CEP126: variants seen among roughly 807,000 people sequenced by gnomAD.
CEP126 encodes the protein centrosomal protein of 126 kDa.
Under a neutral mutation model 107.8 loss-of-function variants are expected in CEP126, and 74 were observed. The observed-to-expected ratio is 0.69, with a 90% CI of 0.57 to 0.83. The LOEUF is 0.83. Among genes scored for constraint, CEP126 ranks in the 40% least tolerant of loss-of-function variants. The pLI, the probability that CEP126 is intolerant of heterozygous loss-of-function variation, is 0.00. For synonymous variants in CEP126, 449 were observed against 446.0 expected (o/e 1.01, Z -0.08); for missense variants, 1,237 against 1,281.9 (o/e 0.96, Z 0.53).
intron 2 of CEP126, among the ~76,000 whole-genome samples, chr11:101,938,924 G>A (rs12281520): frequency 6.6e-6 from 1 of 151,434 alleles, no homozygotes; most frequent in South Asian, 2.1e-4. Context: ...AATGTGTTTT[G>A]GTCAAAAACA....
rs949559840 is a variant in CEP126 at position 101,944,169 on chromosome 11, A to G, written c.249-96A>G. The G allele has an allele frequency of 4.4e-6, 5 of 1,133,750 alleles. No homozygotes were observed. In the African/African-American group the frequency reaches 8.2e-5, roughly 19 times the overall value. 70.2% of individuals were successfully genotyped at this position (1,133,750 alleles called of 1,614,324 possible). On this transcript the variant is annotated intron_variant, in intron 2 of 10. Coordinates refer to ENST00000263468, the MANE Select transcript of CEP126 (RefSeq NM_020802.4). ...TGTTGTTTTTAAATAAAATTTTGAA[A>G]TATGAAAACATTGTTATATAATAAA...
rs1941057070 is a variant in CEP126, at chr11:101,966,352, G to A, written c.2845+2472G>A. 4.6e-5 allele frequency among the ~76,000 whole-genome samples: 7 copies of A among 152,184 alleles called. No individual in the cohort carries two copies. In the South Asian group the frequency reaches 1.5e-3, roughly 32 times the overall value. On this transcript the variant is annotated intron_variant, in intron 6 of 10. Coordinates refer to ENST00000263468, the MANE Select transcript of CEP126 (RefSeq NM_020802.4). Reference sequence around the variant, plus strand: ...GGATTACAGTTCAGTGAGCATTTGTGGGATTTTTTTTCCTACTCTCTTATT... The same window carrying A: ...GGATTACAGTTCAGTGAGCATTTGTAGGATTTTTTTTCCTACTCTCTTATT...
chr11:101,983,018 G>T (rs756627235), intron 8 of CEP126, among the ~76,000 whole-genome samples: 1 of 152,118 alleles, frequency 6.6e-6, no homozygotes, highest in Admixed American at 6.6e-5. Flanking sequence ...TGCTCACAAG[G>T]AGTAATAAAA....
intron 10 of CEP126, among the ~76,000 whole-genome samples, chr11:101,994,285 T>C (rs1170985913): frequency 2.0e-5 from 3 of 152,232 alleles, no homozygotes; most frequent in African/African-American, 7.2e-5. Context: ...GTCAGATGCA[T>C]AGTTTGCAAA....
At chr11:101,919,787 CAT>C (rs1331023211) in intron 1 of CEP126, among the ~76,000 whole-genome samples, 2 of 152,142 alleles carry the variant, frequency 1.3e-5, no homozygotes, top group African/African-American at 4.8e-5. Flanking sequence ...AGACTTCAAA[CAT>C]GTCAAACAGA....
chr11:101,977,428 C>T (rs1941203453), intron 6 of CEP126, among the ~76,000 whole-genome samples: 1 of 151,736 alleles, frequency 6.6e-6, no homozygotes, highest in African/African-American at 2.4e-5. Flanking sequence ...GTCAAGAGAT[C>T]GAAACCATCC....
At chr11:101,959,987 C>T (rs1940950583) in intron 5 of CEP126, among the ~76,000 whole-genome samples, 1 of 151,876 alleles carries the variant, frequency 6.6e-6, no homozygotes, top group Non-Finnish European at 1.5e-5. Flanking sequence ...TTAAAGAAAC[C>T]ATCGCTGGAA....
chr11:101,941,009 G>A (rs1347151627), intron 2 of CEP126, among the ~76,000 whole-genome samples: 4 of 152,076 alleles, frequency 2.6e-5, no homozygotes, highest in African/African-American at 4.8e-5. Flanking sequence ...TGCTTGACAC[G>A]TGATTTTATC....
At chr11:101,942,313 T>C (rs980943045) in intron 2 of CEP126, among the ~76,000 whole-genome samples, 1 of 152,070 alleles carries the variant, frequency 6.6e-6, no homozygotes. Context: ...TGCTGTAAGG[T>C]AAGAGTCCAA....
At chr11:101,928,436 C>T (rs534652127) in intron 2 of CEP126, among the ~76,000 whole-genome samples, 2 of 152,204 alleles carry the variant, frequency 1.3e-5, no homozygotes, top group Admixed American at 6.5e-5. Context: ...GAACTCTTTG[C>T]GTAGCCCTAG....
intron 3 of CEP126, among the ~76,000 whole-genome samples, chr11:101,946,940 A>C (rs1565355788): frequency 6.6e-6 from 1 of 152,150 alleles, no homozygotes; most frequent in East Asian, 1.9e-4. Flanking sequence ...ACATTCAATA[A>C]ATAATTTTTA....
chr11:101,995,268 T>G (rs1941429859), intron 10 of CEP126, among the ~76,000 whole-genome samples: 2 of 152,204 alleles, frequency 1.3e-5, no homozygotes. Context: ...TCTAATGTAG[T>G]AGGTCTGGGA....
At chr11:101,951,725 AG>A (rs1386244484) in intron 4 of CEP126, among the ~76,000 whole-genome samples, 1 of 152,242 alleles carries the variant, frequency 6.6e-6, no homozygotes, top group Non-Finnish European at 1.5e-5. Flanking sequence ...TTGCTGATTA[AG>A]GGAATGTGAT....
At chr11:101,970,847 T>C (rs563826129) in intron 6 of CEP126, among the ~76,000 whole-genome samples, 1 of 152,306 alleles carries the variant, frequency 6.6e-6, no homozygotes, top group East Asian at 1.9e-4. Flanking sequence ...TTACGCCCAT[T>C]TTATAGATGA....
intron 6 of CEP126, among the ~76,000 whole-genome samples, chr11:101,971,709 T>C (rs932314597): frequency 6.6e-6 from 1 of 152,108 alleles, no homozygotes; most frequent in Non-Finnish European, 1.5e-5. Context: ...AAGTTTTAAT[T>C]GTGAAATATA....
intron 5 of CEP126, among the ~76,000 whole-genome samples, chr11:101,958,965 A>C (rs1006424598): frequency 1.3e-5 from 2 of 152,184 alleles, no homozygotes; most frequent in African/African-American, 2.4e-5. Context: ...AAAATAAATA[A>C]AACAACTGCT....
chr11:101,954,926 T>C (rs955058414), intron 4 of CEP126, among the ~76,000 whole-genome samples: 2 of 152,160 alleles, frequency 1.3e-5, no homozygotes, highest in African/African-American at 4.8e-5. Flanking sequence ...ACATTAAAAA[T>C]ACATTTTCAG....
Position 101,962,204 on chromosome 11 carries a change from G to C in CEP126, c.1169G>C (p.Ser390Thr), listed in dbSNP as rs777516747. ...AAATGTGAAAAGACCTCTGAAACTA[G>C]CACTATGAGGACAACTGACTCCACT... ...DKKCEKTSET[S>T]TMRTTDSTSG... Residue 390 changes from serine (S) to threonine (T), a missense_variant, in exon 6 of 11, where the codon AGC (serine) becomes ACC (threonine). Around this residue, in one of 3 missense-constraint regions of CEP126, gnomAD observed 1,134 missense variants for 1,150.5 expected, o/e 0.99. Transcript: ENST00000263468. 3.1e-6 allele frequency: 5 copies of C among 1,613,860 alleles called. No individual in the cohort carries two copies. The Admixed American group carries it at 8.3e-5, about 27-fold the overall frequency.
In CEP126 at chr11:101,962,347, G is replaced by A; in HGVS notation, c.1312G>A (p.Glu438Lys). The change falls in exon 6 of 11, where the codon GAG becomes AAG. Residue 438 changes from glutamate to lysine, a missense_variant. Physicochemically the swap from Glu to Lys is moderately conservative, Grantham distance 56. Coordinates refer to ENST00000263468, the MANE Select transcript of CEP126 (RefSeq NM_020802.4). ...TQEVATFPDQ[E>K]KYSELNQENG... ...GGAAGTGGCTACATTTCCAGACCAA[G>A]AGAAATATTCTGAATTAAATCAAGA... 6.2e-7 allele frequency: 1 copy of A among 1,613,660 alleles called. No individual in the cohort carries two copies. Among genetic ancestry groups the A allele is most frequent in the Non-Finnish European group, 8.5e-7 (1 of 1,179,840 alleles).
Sources: gnomAD v4.1 joint callset for allele counts (sites outside exome capture counted in the v4.1 genomes callset) on GRCh38, gnomAD v4.1.1 for gene constraint, gnomAD v4.1.1 regional missense constraint, MANE v1.5 for transcripts, NCBI Gene and HGNC (gene_info 2026-07-23, HGNC 2026-07-21) for gene names.